Variants in GALNT18 observed in about 807,000 individuals in gnomAD.
GALNT18 encodes GalNAc-transferase 18.
Under a neutral mutation model 69.5 loss-of-function variants are expected in GALNT18, and 44 were observed. The ratio of observed to expected loss-of-function variants is 0.63; its 90% CI spans 0.50 to 0.81. The LOEUF (loss-of-function observed/expected upper bound fraction) is 0.81. Ranked by LOEUF, GALNT18 falls within the 40% of genes least tolerant of loss-of-function variation. GALNT18 has a pLI of 0.00. For missense variants in GALNT18, 715 were observed against 810.0 expected (o/e 0.88, Z 1.42); for synonymous variants, 364 against 318.2 (o/e 1.14, Z -1.53).
rs150306415 is a variant in GALNT18, at chr11:11,341,253, T to A, written c.1093-249A>T. Among the ~76,000 whole-genome samples, 1,275 of 152,252 alleles carry A rather than the reference T, an allele frequency of 8.4e-3. 7 individuals are homozygous for A. The highest frequency in any genetic ancestry group is 0.014 in the Non-Finnish European group (941 of 68,020). Reference sequence around the variant, plus strand: ...TTACCAACAAAAAAAATGAATGCACTTTTTCCCTCCACCTGTGAGCCCTAC... The same window carrying A: ...TTACCAACAAAAAAAATGAATGCACATTTTCCCTCCACCTGTGAGCCCTAC... On this transcript the variant is annotated intron_variant, in intron 6 of 10. Coordinates refer to ENST00000227756, the MANE Select transcript of GALNT18 (RefSeq NM_198516.3). The surrounding 1 kb of genome is among the most constrained non-coding windows in gnomAD (Gnocchi z 6.3).
rs181874339 is a variant in GALNT18 at position 11,543,365 on chromosome 11, G to A, written c.235+77994C>T. 2.0e-5 allele frequency among the ~76,000 whole-genome samples: 3 copies of A among 152,314 alleles called. No individual in the cohort carries two copies. Among genetic ancestry groups the A allele is most frequent in the Admixed American group, 6.5e-5 (1 of 15,302 alleles). Reference sequence around the variant, plus strand: ...GAATCCTTAGTAGGCCACCTCAGCTGGAGTGACAGGGACGTGGTGAGGACA... The same window carrying A: ...GAATCCTTAGTAGGCCACCTCAGCTAGAGTGACAGGGACGTGGTGAGGACA... On this transcript the variant is annotated intron_variant, in intron 1 of 10. Coordinates refer to ENST00000227756, the MANE Select transcript of GALNT18 (RefSeq NM_198516.3). This position sits in a 1 kb window ranked among gnomAD's most constrained non-coding sequence, Gnocchi z 5.1.
In GALNT18 at chr11:11,315,593, G is replaced by A. The variant is rs80184490; in HGVS notation, c.1512+11493C>T. 0.039 allele frequency among the ~76,000 whole-genome samples: 5,897 copies of A among 152,164 alleles called. 173 individuals are homozygous for A. Among genetic ancestry groups the A allele is most frequent in the Middle Eastern group, 0.082 (24 of 294 alleles). On this transcript the variant is annotated intron_variant, in intron 9 of 10. Transcript: ENST00000227756. This position sits in a 1 kb window ranked among gnomAD's most constrained non-coding sequence, Gnocchi z 5.6. ...CGTGTAGAGTTTGCTCTTGGGTGAG[G>A]CATAGTAACACCTACCATCACCATC...
chr11:11,596,364 C>T lies in GALNT18; in HGVS notation c.235+24995G>A, dbSNP rs1178587698. On this transcript the variant is annotated intron_variant, in intron 1 of 10. Transcript: ENST00000227756. This position sits in a 1 kb window ranked among gnomAD's most constrained non-coding sequence, Gnocchi z 4.2. ...TGTTTTTCAAGATTATTTGGCTAGC[C>T]TGTATACCTTAAATTTCCATCAGAA... Among the ~76,000 whole-genome samples, 6 of 152,164 alleles carry T rather than the reference C, an allele frequency of 3.9e-5. No individual in the cohort carries two copies. The highest frequency in any genetic ancestry group is 4.2e-4 in the South Asian group (2 of 4,814).
rs1850197663 is a variant in GALNT18 at position 11,341,075 on chromosome 11, C to T, written c.1093-71G>A. On this transcript the variant is annotated intron_variant, in intron 6 of 10. Transcript: ENST00000227756. This position sits in a 1 kb window ranked among gnomAD's most constrained non-coding sequence, Gnocchi z 6.3. ...CTTTCTACACCAGGCCTCAGGCAGCCACTTGACATGAGCAGGAAGAAAGTC... is the reference window on the plus strand; with the variant it reads ...CTTTCTACACCAGGCCTCAGGCAGCTACTTGACATGAGCAGGAAGAAAGTC... The T allele has an allele frequency of 6.9e-7, 1 of 1,440,424 alleles. No individual in the cohort carries two copies. Among genetic ancestry groups the T allele is most frequent in the Non-Finnish European group, 9.4e-7 (1 of 1,063,880 alleles). 89.2% of individuals were successfully genotyped at this position (1,440,424 alleles called of 1,614,324 possible).
intron 3 of GALNT18, among the ~76,000 whole-genome samples, chr11:11,419,596 C>CAAAAAAAAAAAAAA (rs58012512): frequency 1.9e-4 from 5 of 26,614 alleles, no homozygotes; most frequent in African/African-American, 4.0e-4. Flanking sequence ...GATCCTGTCT[C>CAAAAAAAAAAAAAA]AAAAAAAAAA....
intron 3 of GALNT18, among the ~76,000 whole-genome samples, chr11:11,388,678 C>T (rs903746770): frequency 2.0e-5 from 3 of 152,144 alleles, no homozygotes; most frequent in African/African-American, 4.8e-5. Flanking sequence ...TCAGCCCCAG[C>T]GCTGGTCTAA....
Position 11,538,293 on chromosome 11 carries a change from T to C in GALNT18, c.235+83066A>G, listed in dbSNP as rs1344588789. Among the ~76,000 whole-genome samples the C allele has an allele frequency of 6.6e-6, 1 of 152,188 alleles. No individual in the cohort carries two copies. ...GCCACCACCATCCCCAGGGCTATGATGGGGCTGGGAAGGCCACTCACTAAG... is the reference window on the plus strand; with the variant it reads ...GCCACCACCATCCCCAGGGCTATGACGGGGCTGGGAAGGCCACTCACTAAG... On this transcript the variant is annotated intron_variant, in intron 1 of 10. Coordinates refer to ENST00000227756, the MANE Select transcript of GALNT18 (RefSeq NM_198516.3). The surrounding 1 kb of genome is among the most constrained non-coding windows in gnomAD (Gnocchi z 5.2).
intron 1 of GALNT18, among the ~76,000 whole-genome samples, chr11:11,458,146 C>G (rs544469831): frequency 6.6e-6 from 1 of 152,330 alleles, no homozygotes; most frequent in Admixed American, 6.5e-5. Context: ...GGGAAAGACC[C>G]AGAGTCCCTT....
chr11:11,473,007 T>C (rs544068805), intron 1 of GALNT18, among the ~76,000 whole-genome samples: 1 of 151,550 alleles, frequency 6.6e-6, no homozygotes, highest in Non-Finnish European at 1.5e-5. Context: ...AATAAATAAA[T>C]AAAAAAGATT....
At position 11,469,585 on chromosome 11, in the gene GALNT18, G is replaced by A. The variant is rs770116344; in HGVS notation, c.236-20649C>T. On this transcript the variant is annotated intron_variant, in intron 1 of 10. Transcript: ENST00000227756. The surrounding 1 kb of genome is among the most constrained non-coding windows in gnomAD (Gnocchi z 4.2). ...GACTTGTTTTCAGTTTGATCCATGA[G>A]GGCCATTTAGGGCTGCTCACATAGG... 6.6e-6 allele frequency among the ~76,000 whole-genome samples: 1 copy of A among 152,174 alleles called. No individual in the cohort carries two copies. The highest frequency in any genetic ancestry group is 1.5e-5 in the Non-Finnish European group (1 of 68,036).
intron 3 of GALNT18, among the ~76,000 whole-genome samples, chr11:11,397,065 C>G (rs1210944604): frequency 2.0e-5 from 3 of 152,056 alleles, no homozygotes; most frequent in African/African-American, 7.2e-5. Context: ...TACACAGACC[C>G]CCTTTTGCCT....
At position 11,448,790 on chromosome 11, in the gene GALNT18, C is replaced by T. The variant is rs979738828; in HGVS notation, c.382G>A (p.Asp128Asn). The change falls in exon 2 of 11, where the codon GAC becomes AAC. Residue 128 changes from aspartate (D) to asparagine (N), a missense_variant. By Grantham distance (23) the Asp-to-Asn change is conservative. Transcript: ENST00000227756. ...QYYGYNAYLSDRLPLDRPLPD... is the reference protein window; with the variant it reads ...QYYGYNAYLSNRLPLDRPLPD... Reference sequence around the variant, plus strand: ...AGGGGCCGGTCCAGGGGCAGGCGGTCGCTGAGGTAGGCGTTGTAGCCGTAG... The same window carrying T: ...AGGGGCCGGTCCAGGGGCAGGCGGTTGCTGAGGTAGGCGTTGTAGCCGTAG... 11 of 1,612,782 alleles carry T rather than the reference C, an allele frequency of 6.8e-6. No individual in the cohort carries two copies. Among genetic ancestry groups the T allele is most frequent in the African/African-American group, 2.7e-5 (2 of 74,944 alleles).
At position 11,347,345 on chromosome 11, in the gene GALNT18, A is replaced by G. The variant is rs1850321826; in HGVS notation, c.1093-6341T>C. On this transcript the variant is annotated intron_variant, in intron 6 of 10. Transcript: ENST00000227756. The surrounding 1 kb of genome is among the most constrained non-coding windows in gnomAD (Gnocchi z 4.0). ...TAGTTTGATAATCTCTTCTACTCCA[A>G]GACTCATGACTGCTCCATAGTCTAT... 6.6e-6 allele frequency among the ~76,000 whole-genome samples: 1 copy of G among 152,256 alleles called. No individual in the cohort carries two copies. Among genetic ancestry groups the G allele is most frequent in the Non-Finnish European group, 1.5e-5 (1 of 68,046 alleles).
Position 11,541,109 on chromosome 11 carries a change from T to C in GALNT18, c.235+80250A>G, listed in dbSNP as rs66809990. Among the ~76,000 whole-genome samples the C allele has an allele frequency of 0.15, 22,250 of 152,210 alleles. 1,998 individuals are homozygous for C. The highest frequency in any genetic ancestry group is 0.26 in the Middle Eastern group (75 of 294). The stretch of plus-strand genomic sequence containing the variant: ...CACATCCACTTCTCAGACCATAGTG[T>C]TCCCCACTGGCTGAGATTAATGGGG... On this transcript the variant is annotated intron_variant, in intron 1 of 10. Transcript: ENST00000227756. This position sits in a 1 kb window ranked among gnomAD's most constrained non-coding sequence, Gnocchi z 4.8.
rs957497191 is a variant in GALNT18 at position 11,584,981 on chromosome 11, C to T, written c.235+36378G>A. Among the ~76,000 whole-genome samples the T allele has an allele frequency of 6.6e-6, 1 of 152,110 alleles. No homozygotes were observed. The highest frequency in any genetic ancestry group is 2.4e-5 in the African/African-American group (1 of 41,364). ...TCCACCACTATGAGCTTGACGGCTT[C>T]CCAACACCTAAAGACTTCTGATGAT... On this transcript the variant is annotated intron_variant, in intron 1 of 10. Coordinates refer to ENST00000227756, the MANE Select transcript of GALNT18 (RefSeq NM_198516.3). This position sits in a 1 kb window ranked among gnomAD's most constrained non-coding sequence, Gnocchi z 4.1.
chr11:11,423,261 T>G (rs1043980899), intron 3 of GALNT18, among the ~76,000 whole-genome samples: 1 of 152,178 alleles, frequency 6.6e-6, no homozygotes, highest in East Asian at 1.9e-4. Context: ...ATGTGTTATA[T>G]GTATGTAACA....
At chr11:11,471,518 C>G (rs754182617) in intron 1 of GALNT18, among the ~76,000 whole-genome samples, 3 of 152,136 alleles carry the variant, frequency 2.0e-5, no homozygotes, top group Non-Finnish European at 4.4e-5. Flanking sequence ...ATTCTTCTTG[C>G]TGTGATTCCC....
rs990881286 is a variant in GALNT18, at chr11:11,551,052, C to T, written c.235+70307G>A. On this transcript the variant is annotated intron_variant, in intron 1 of 10. Transcript: ENST00000227756. Reference sequence around the variant, plus strand: ...AGTCACATTTCAGTGGGTGATCCAACTTTGGATATAAAACTGAAACTCTAT... The same window carrying T: ...AGTCACATTTCAGTGGGTGATCCAATTTTGGATATAAAACTGAAACTCTAT... Among the ~76,000 whole-genome samples the T allele has an allele frequency of 2.1e-5, 3 of 140,592 alleles. No homozygotes were observed. The East Asian group carries it at 6.3e-4, about 29-fold the overall frequency. 92.2% of individuals were successfully genotyped at this position (140,592 alleles called of 152,430 possible). A position where few individuals can be genotyped will look rare whatever the true frequency, so the allele number is the denominator to read the frequency against.
intron 1 of GALNT18, among the ~76,000 whole-genome samples, chr11:11,609,638 T>C (rs1859847138): frequency 6.6e-6 from 1 of 152,232 alleles, no homozygotes; most frequent in South Asian, 2.1e-4. Context: ...CAGCCAACAC[T>C]GAGGAGAGTG....
Sources: allele counts gnomAD v4.1 joint callset (sites outside exome capture counted in the v4.1 genomes callset), GRCh38; gene constraint gnomAD v4.1.1; non-coding constraint Gnocchi (gnomAD v3.1); transcripts MANE v1.5; gene names NCBI Gene and HGNC (gene_info 2026-07-23, HGNC 2026-07-21).